The following CAMTA1 variants were observed in gnomAD, a reference collection of about 807,000 sequenced individuals.
CAMTA1 encodes the protein calmodulin-binding transcription activator 1.
In CAMTA1, 27 loss-of-function variants were observed where a neutral mutation model predicts 170.9. That is an observed-to-expected ratio of 0.16 (90% CI 0.12 to 0.22). The LOEUF (loss-of-function observed/expected upper bound fraction) is 0.22. Ranked by LOEUF, CAMTA1 falls within the 10% of genes least tolerant of loss-of-function variation. CAMTA1 has a pLI of 1.00. For synonymous variants in CAMTA1, 833 were observed against 891.5 expected (o/e 0.93, Z 1.17); for missense variants, 1,619 against 2,217.2 (o/e 0.73, Z 5.42).
intron 11 of CAMTA1, among the ~76,000 whole-genome samples, chr1:7,695,179 C>G (rs2096362234): frequency 6.6e-6 from 1 of 152,138 alleles, no homozygotes; most frequent in African/African-American, 2.4e-5. Context: ...GCAGACACAG[C>G]CCCCACGAGG....
At chr1:6,984,694 G>A (rs1048638200) in intron 3 of CAMTA1, among the ~76,000 whole-genome samples, 6 of 152,240 alleles carry the variant, frequency 3.9e-5, no homozygotes, top group East Asian at 1.9e-4. Flanking sequence ...GCCAGTGGCC[G>A]GATGGCCATT....
intron 5 of CAMTA1, among the ~76,000 whole-genome samples, chr1:7,398,201 A>ATATATATATATG (rs2089575288): frequency 6.1e-5 from 2 of 32,856 alleles, no homozygotes; most frequent in Non-Finnish European, 1.1e-4. Context: ...CTCTATATAT[A>ATATATATATATG]TATATATATA....
chr1:7,357,571 A>T (rs1221180950), intron 5 of CAMTA1, among the ~76,000 whole-genome samples: 1 of 152,142 alleles, frequency 6.6e-6, no homozygotes, highest in East Asian at 1.9e-4. Flanking sequence ...AGGGGTAGGG[A>T]TGAGGCTTGG....
At chr1:6,845,657 T>C (rs1297013374) in intron 3 of CAMTA1, among the ~76,000 whole-genome samples, 3 of 152,242 alleles carry the variant, frequency 2.0e-5, no homozygotes, top group East Asian at 3.8e-4. Flanking sequence ...CTTGGAGATA[T>C]GGAAGTTTCA....
At chr1:7,040,372 T>C (rs1415382874) in intron 3 of CAMTA1, among the ~76,000 whole-genome samples, 2 of 152,204 alleles carry the variant, frequency 1.3e-5, no homozygotes, top group Admixed American at 1.3e-4. Flanking sequence ...TGCTTGGATA[T>C]GGCTTTACGT....
At chr1:7,011,152 G>A (rs1262147656) in intron 3 of CAMTA1, among the ~76,000 whole-genome samples, 4 of 152,192 alleles carry the variant, frequency 2.6e-5, no homozygotes, top group African/African-American at 7.2e-5. Flanking sequence ...GCTGGTCTTC[G>A]CATTGGGTTG....
intron 6 of CAMTA1, among the ~76,000 whole-genome samples, chr1:7,504,900 G>A (rs960716194): frequency 3.3e-5 from 5 of 152,262 alleles, no homozygotes; most frequent in Non-Finnish European, 7.3e-5. Context: ...GGCAGGAGGA[G>A]TTCAGTGTAG....
intron 4 of CAMTA1, among the ~76,000 whole-genome samples, chr1:7,110,794 G>A (rs890425211): frequency 6.6e-6 from 1 of 152,210 alleles, no homozygotes; most frequent in South Asian, 2.1e-4. Context: ...AGCCCCCAGG[G>A]CCTCCCAGTT....
At chr1:7,198,578 A>T (rs1656021879) in intron 4 of CAMTA1, among the ~76,000 whole-genome samples, 1 of 152,006 alleles carries the variant, frequency 6.6e-6, no homozygotes, top group Non-Finnish European at 1.5e-5. Flanking sequence ...TCTCATTTCC[A>T]GAGGGTGTCT....
chr1:6,875,269 A>T (rs1217026584), intron 3 of CAMTA1, among the ~76,000 whole-genome samples: 1 of 152,146 alleles, frequency 6.6e-6, no homozygotes, highest in Admixed American at 6.5e-5. Flanking sequence ...TGTACGCATT[A>T]TCATCCTTCA....
intron 19 of CAMTA1, chr1:7,750,861 C>A: frequency 3.2e-6 from 1 of 316,320 alleles, no homozygotes; most frequent in South Asian, 3.1e-5. Context: ...AAATATTAAT[C>A]CGAAGCATTT....
rs1557458267 is a variant in CAMTA1, at chr1:7,293,891, T to C, written c.438+44265T>C. Among the ~76,000 whole-genome samples, 1 of 152,234 alleles carries C rather than the reference T, an allele frequency of 6.6e-6. No homozygotes were observed. Among genetic ancestry groups the C allele is most frequent in the Non-Finnish European group, 1.5e-5 (1 of 68,048 alleles). ...CCTGTTGGAGGAGATTTTGTAGTAATGAGCATTTGGCTTTTGTAATCCTTT... is the reference window on the plus strand; with the variant it reads ...CCTGTTGGAGGAGATTTTGTAGTAACGAGCATTTGGCTTTTGTAATCCTTT... On this transcript the variant is annotated intron_variant, in intron 5 of 22. Transcript: ENST00000303635. The surrounding 1 kb of genome is among the most constrained non-coding windows in gnomAD (Gnocchi z 4.1).
intron 4 of CAMTA1, among the ~76,000 whole-genome samples, chr1:7,242,811 A>AAATAAATAAATAAAT (rs1558298021): frequency 3.0e-5 from 4 of 134,766 alleles, no homozygotes; most frequent in African/African-American, 1.3e-4. Flanking sequence ...AATAAATAAA[A>AAATAAATAAATAAAT]ATTAGCCGGG....
intron 3 of CAMTA1, among the ~76,000 whole-genome samples, chr1:6,856,317 G>T: frequency 1.4e-5 from 2 of 142,552 alleles, no homozygotes; most frequent in Admixed American, 7.0e-5. Flanking sequence ...GAATTATGAT[G>T]CTTCCCCCTG....
intron 6 of CAMTA1, among the ~76,000 whole-genome samples, chr1:7,488,705 A>C (rs933620888): frequency 6.6e-6 from 1 of 152,186 alleles, no homozygotes; most frequent in African/African-American, 2.4e-5. Context: ...AAATATATAC[A>C]TATGCATACA....
chr1:7,650,029 C>T (rs976053290), intron 7 of CAMTA1, among the ~76,000 whole-genome samples: 1 of 152,210 alleles, frequency 6.6e-6, no homozygotes, highest in African/African-American at 2.4e-5. Flanking sequence ...GCGGCGCTAC[C>T]TCCCCACACA....
intron 4 of CAMTA1, among the ~76,000 whole-genome samples, chr1:7,150,130 C>T (rs1480261039): frequency 1.3e-5 from 2 of 152,204 alleles, no homozygotes; most frequent in Non-Finnish European, 2.9e-5. Context: ...GCTCTGCGTG[C>T]TGCCCACTGT....
Position 7,634,103 on chromosome 1 carries a change from GC to G in CAMTA1, c.511-6294del, listed in dbSNP as rs1240200775. Among the ~76,000 whole-genome samples the G allele has an allele frequency of 2.0e-5, 3 of 152,178 alleles. No homozygotes were observed. Among genetic ancestry groups the G allele is most frequent in the East Asian group, 1.9e-4 (1 of 5,172 alleles). On this transcript the variant is annotated intron_variant, in intron 6 of 22. Transcript: ENST00000303635. The surrounding 1 kb of genome is among the most constrained non-coding windows in gnomAD (Gnocchi z 6.2). The stretch of plus-strand genomic sequence containing the variant: ...CAGTGCCAAGGAGCCGTCCGGAACA[GC>G]CCAACCACGCCTGCTGCTGTTTGAA...
chr1:6,919,873 C>G (rs72470171), intron 3 of CAMTA1, among the ~76,000 whole-genome samples: 2 of 152,156 alleles, frequency 1.3e-5, no homozygotes, highest in East Asian at 3.9e-4. Context: ...GACCCACCCC[C>G]CTAATTCAGT....
Sources: allele counts gnomAD v4.1 joint callset (sites outside exome capture counted in the v4.1 genomes callset), GRCh38; gene constraint gnomAD v4.1.1; non-coding constraint Gnocchi (gnomAD v3.1); transcripts MANE v1.5; gene names NCBI Gene and HGNC (gene_info 2026-07-23, HGNC 2026-07-21).